Variants in IFT88 observed in about 807,000 individuals in gnomAD.
IFT88 encodes intraflagellar transport protein 88 homolog.
A neutral mutation model predicts 119.5 loss-of-function variants in IFT88; 74 were observed. The ratio of observed to expected loss-of-function variants is 0.62; its 90% CI spans 0.51 to 0.75. The LOEUF is 0.75. Among genes scored for constraint, IFT88 ranks in the 30% least tolerant of loss-of-function variants. The pLI, the probability that IFT88 is intolerant of heterozygous loss-of-function variation, is 0.00. For missense variants in IFT88, 961 were observed against 977.7 expected, an observed-to-expected ratio of 0.98 and a Z score of 0.23; for synonymous variants, 279 against 316.7, an observed-to-expected ratio of 0.88 and a Z score of 1.26.
chr13:20,676,659 A>G (rs1367626238), intron 24 of IFT88, among the ~76,000 whole-genome samples: 2 of 152,268 alleles, frequency 1.3e-5, no homozygotes, highest in Non-Finnish European at 2.9e-5. Flanking sequence ...ACTAGTGCTT[A>G]TAAATAAAAA....
intron 17 of IFT88, among the ~76,000 whole-genome samples, chr13:20,640,273 A>G (rs1177087223): frequency 6.6e-6 from 1 of 151,976 alleles, no homozygotes; most frequent in Non-Finnish European, 1.5e-5. Flanking sequence ...ATAAGAATCT[A>G]CATTTAAAAA....
chr13:20,618,562 A>G (rs546722704), intron 14 of IFT88, among the ~76,000 whole-genome samples: 18 of 152,340 alleles, frequency 1.2e-4, no homozygotes, highest in African/African-American at 4.3e-4. Context: ...GTTCTGTGAT[A>G]TAAATCCCAC....
chr13:20,646,199 T>C (rs1328472533), intron 20 of IFT88, among the ~76,000 whole-genome samples: 2 of 152,196 alleles, frequency 1.3e-5, no homozygotes, highest in Admixed American at 1.3e-4. Context: ...CCACAAGTTT[T>C]GACCTCCCTA....
At chr13:20,594,491 A>C (rs2041295299) in intron 7 of IFT88, among the ~76,000 whole-genome samples, 1 of 152,178 alleles carries the variant, frequency 6.6e-6, no homozygotes, top group South Asian at 2.1e-4. Context: ...GGCGGGTGGC[A>C]GGCTCTGTGT....
chr13:20,636,896 G>A (rs947863557), intron 16 of IFT88, among the ~76,000 whole-genome samples: 4 of 152,216 alleles, frequency 2.6e-5, no homozygotes, highest in African/African-American at 9.6e-5. Flanking sequence ...AGCAACCCAA[G>A]TGTCCATCAA....
At chr13:20,571,114 C>T (rs1267727035) in intron 1 of IFT88, among the ~76,000 whole-genome samples, 1 of 152,152 alleles carries the variant, frequency 6.6e-6, no homozygotes, top group East Asian at 1.9e-4. Flanking sequence ...CTGCCTCAGC[C>T]TCCTGAGTAC....
At chr13:20,603,837 G>A (rs2042994945) in intron 12 of IFT88, among the ~76,000 whole-genome samples, 1 of 151,884 alleles carries the variant, frequency 6.6e-6, no homozygotes, top group East Asian at 1.9e-4. Context: ...GGTCAAGGCT[G>A]CAGTGAGCCG....
At chr13:20,676,649 A>G (rs931312829) in intron 24 of IFT88, among the ~76,000 whole-genome samples, 5 of 152,256 alleles carry the variant, frequency 3.3e-5, no homozygotes, top group African/African-American at 1.2e-4. Context: ...AACAAGAATT[A>G]CTAGTGCTTA....
chr13:20,656,091 G>A (rs2052727385), intron 21 of IFT88, among the ~76,000 whole-genome samples: 1 of 117,428 alleles, frequency 8.5e-6, no homozygotes, highest in Non-Finnish European at 1.6e-5. Context: ...CTGTACTCCA[G>A]CCTGGGCAAC....
At chr13:20,683,367 G>A (rs945717242) in intron 24 of IFT88, among the ~76,000 whole-genome samples, 6 of 152,012 alleles carry the variant, frequency 3.9e-5, no homozygotes, top group African/African-American at 1.2e-4. Context: ...TGCCAGGCAC[G>A]TACCCCATCT....
chr13:20,582,807 A>G, intron 2 of IFT88, 150 bp from the exon 3 acceptor site: 1 of 580,510 alleles, frequency 1.7e-6, no homozygotes, highest in Non-Finnish European at 3.1e-6. Context: ...GGTAGTGTGA[A>G]GTGGGGAGAT....
At chr13:20,581,824 G>T (rs957442218) in intron 2 of IFT88, among the ~76,000 whole-genome samples, 2 of 144,278 alleles carry the variant, frequency 1.4e-5, no homozygotes, top group African/African-American at 5.2e-5. Context: ...CTGTACTCCA[G>T]CTTGGAGGTT....
At chr13:20,684,765 G>C (rs1401011999) in intron 24 of IFT88, among the ~76,000 whole-genome samples, 1 of 152,208 alleles carries the variant, frequency 6.6e-6, no homozygotes, top group Non-Finnish European at 1.5e-5. Flanking sequence ...TTGTTACCCT[G>C]ATGCTTCCGA....
intron 12 of IFT88, 75 bp downstream of exon 12, chr13:20,602,008 A>G (rs943105043): frequency 2.5e-6 from 2 of 801,598 alleles, no homozygotes; most frequent in Admixed American, 2.6e-5. Flanking sequence ...TGAGAAAGCC[A>G]GAATAGATGA....
chr13:20,626,781 A>G (rs2047405469), intron 15 of IFT88, among the ~76,000 whole-genome samples: 1 of 152,196 alleles, frequency 6.6e-6, no homozygotes, highest in Non-Finnish European at 1.5e-5. Context: ...AAGAGGGATA[A>G]CCAAAGAGAG....
intron 11 of IFT88, among the ~76,000 whole-genome samples, 191 bp from the exon 12 acceptor site, chr13:20,601,514 A>G (rs1425706766): frequency 6.6e-6 from 1 of 152,208 alleles, no homozygotes; most frequent in Non-Finnish European, 1.5e-5. Context: ...AAATACAGCA[A>G]TAATTATCGA....
intron 14 of IFT88, among the ~76,000 whole-genome samples, chr13:20,621,526 T>TAAAAAAAAAAA (rs200491393): frequency 1.5e-4 from 19 of 130,776 alleles, no homozygotes; most frequent in Admixed American, 4.4e-4. Context: ...CCTGCTGAGA[T>TAAAAAAAAAAA]AAAAAAAAAA....
At chr13:20,596,935 A>G (rs941195457) in intron 8 of IFT88, 80 bp from the exon 9 acceptor site, 1 of 721,384 alleles carries the variant, frequency 1.4e-6, no homozygotes, top group Non-Finnish European at 2.3e-6. Flanking sequence ...AATTCATCCA[A>G]CCTTCATGTA....
At chr13:20,577,011 C>T (rs1259394504) in intron 2 of IFT88, among the ~76,000 whole-genome samples, 1 of 152,120 alleles carries the variant, frequency 6.6e-6, no homozygotes, top group Non-Finnish European at 1.5e-5. Flanking sequence ...AAACATCTTT[C>T]CATTTTCTTA....
Sources: gnomAD v4.1 joint callset for allele counts (sites outside exome capture counted in the v4.1 genomes callset) on GRCh38, gnomAD v4.1.1 for gene constraint, MANE v1.5 for transcripts, NCBI Gene and HGNC (gene_info 2026-07-23, HGNC 2026-07-21) for gene names.